ZNF469: variants seen among roughly 807,000 people sequenced by gnomAD.
The protein encoded by ZNF469 is zinc finger protein 469.
ZNF469 carries 1 observed loss-of-function variant against 1.0 expected under a neutral mutation model. That is an observed-to-expected ratio of 1.00 (90% CI 0.35 to 4.73). The LOEUF (loss-of-function observed/expected upper bound fraction) is 4.73, where lower values mean the gene tolerates loss of function less well. ZNF469 is among the 30% of genes most tolerant of loss of function. The probability of loss-of-function intolerance (pLI) is 0.16; values close to 1 mark genes in which losing one functional copy is unlikely to be tolerated. For missense variants in ZNF469, 6,100 were observed against 5,356.3 expected (o/e 1.14, Z -4.33); for synonymous variants, 2,703 against 2,363.4 (o/e 1.14, Z -4.17).
the ZNF469 span, among the ~76,000 whole-genome samples, chr16:88,211,295 A>G: frequency 6.6e-6 from 1 of 152,236 alleles, no homozygotes; most frequent in Non-Finnish European, 1.5e-5. Context: ...CAGAATCACT[A>G]GAAGACAGAG....
At chr16:88,320,617 C>T in the ZNF469 span, among the ~76,000 whole-genome samples, 1 of 152,178 alleles carries the variant, frequency 6.6e-6, no homozygotes, top group Non-Finnish European at 1.5e-5. Flanking sequence ...CTCCTGACCT[C>T]AAGTGATCTG....
At chr16:88,236,669 C>A in the ZNF469 span, among the ~76,000 whole-genome samples, 1 of 152,196 alleles carries the variant, frequency 6.6e-6, no homozygotes, top group Non-Finnish European at 1.5e-5. Flanking sequence ...GAGTTCAAGA[C>A]CAGCCTGGCC....
chr16:88,271,348 T>C, the ZNF469 span, among the ~76,000 whole-genome samples: 3,355 of 128,016 alleles, frequency 0.026, 433 homozygotes, highest in African/African-American at 0.08. Flanking sequence ...GGGGCCGGGG[T>C]CAGAGGCGGC....
chr16:88,392,219 T>C (rs1904510642), intron 1 of ZNF469, among the ~76,000 whole-genome samples: 5 of 152,284 alleles, frequency 3.3e-5, no homozygotes, highest in Admixed American at 3.3e-4. Flanking sequence ...GCGTGCGCTC[T>C]GCGCTTGTAC....
At chr16:88,215,383 A>ATTTT in the ZNF469 span, among the ~76,000 whole-genome samples, 8,689 of 93,436 alleles carry the variant, frequency 0.093, 655 homozygotes, top group Middle Eastern at 0.13. Flanking sequence ...TTGCCTTTTA[A>ATTTT]TTTTTTTTTT....
rs1163037429 is a variant in ZNF469, at chr16:88,424,517, T to C, written c.-191-290T>C. Among the ~76,000 whole-genome samples the C allele has an allele frequency of 2.0e-5, 3 of 152,164 alleles. No individual in the cohort carries two copies. Among genetic ancestry groups the C allele is most frequent in the Non-Finnish European group, 4.4e-5 (3 of 68,016 alleles). On this transcript the variant is annotated intron_variant, in intron 1 of 2. Coordinates refer to ENST00000565624, the MANE Select transcript of ZNF469 (RefSeq NM_001367624.2). This position sits in a 1 kb window ranked among gnomAD's most constrained non-coding sequence, Gnocchi z 4.3. ...CGGAGCTGCATGTACACACAATCTA[T>C]GCGTACATAAAGACCCAACAAAAAG... is the stretch of plus-strand genomic sequence containing the variant.
intron 1 of ZNF469, among the ~76,000 whole-genome samples, chr16:88,393,476 G>T (rs1904546205): frequency 6.6e-6 from 1 of 152,222 alleles, no homozygotes; most frequent in South Asian, 2.1e-4. Context: ...GGGCACCCAG[G>T]GGGGCCTGCC....
At chr16:88,144,606 T>G in the ZNF469 span, among the ~76,000 whole-genome samples, 3 of 152,198 alleles carry the variant, frequency 2.0e-5, no homozygotes, top group Non-Finnish European at 4.4e-5. Context: ...TTAGGCTAAT[T>G]TTTGGCCTTT....
chr16:88,208,705 A>T, the ZNF469 span, among the ~76,000 whole-genome samples: 1 of 149,920 alleles, frequency 6.7e-6, no homozygotes, highest in Non-Finnish European at 1.5e-5. Flanking sequence ...CACAGATAAG[A>T]CAAGATAGGA....
chr16:88,380,455 A>ATGCACTCACACATACG (rs2092518703), upstream of ZNF469, among the ~76,000 whole-genome samples: 2 of 132,086 alleles, frequency 1.5e-5, no homozygotes, highest in Non-Finnish European at 3.0e-5. Context: ...ACACACAGAC[A>ATGCACTCACACATACG]TGCACACACA....
chr16:88,135,437 G>A, the ZNF469 span, among the ~76,000 whole-genome samples: 1 of 152,256 alleles, frequency 6.6e-6, no homozygotes, highest in African/African-American at 2.4e-5. Flanking sequence ...GGACGAGGTT[G>A]GCCAGGGTCG....
chr16:88,132,415 C>CGA, the ZNF469 span, among the ~76,000 whole-genome samples: 6 of 152,220 alleles, frequency 3.9e-5, no homozygotes, highest in African/African-American at 1.4e-4. Flanking sequence ...ACCCAGAGCG[C>CGA]CGCGTAGCCG....
upstream of ZNF469, among the ~76,000 whole-genome samples, chr16:88,380,312 C>T (rs1340603264): frequency 2.0e-4 from 28 of 139,144 alleles, 1 homozygote; most frequent in African/African-American, 7.7e-4. Context: ...AAAACACAGA[C>T]ATGCACTCAC....
chr16:88,414,805 C>T (rs770297281), intron 1 of ZNF469, among the ~76,000 whole-genome samples: 6 of 152,232 alleles, frequency 3.9e-5, no homozygotes, highest in Non-Finnish European at 7.3e-5. Flanking sequence ...CAGAGGTCCA[C>T]GCAGGACAGC....
At position 88,438,784 on chromosome 16, in the gene ZNF469, AGCCGGAGCCCT is replaced by A. The variant is rs753233736; in HGVS notation, c.11317_11327del (p.Arg3773ThrfsTer22). The stretch of plus-strand genomic sequence containing the variant: ...CACCCCAGCCAAGCCCAGCTTCCCC[AGCCGGAGCCCT>A]GCACCAGAGAGGCTCCCCGCTCGAG... On this transcript the variant is annotated frameshift_variant, in exon 3 of 3. Coordinates refer to ENST00000565624, the MANE Select transcript of ZNF469 (RefSeq NM_001367624.2). LOFTEE classifies it low-confidence loss of function (END_TRUNC). 5.2e-6 allele frequency: 8 copies of A among 1,550,212 alleles called. No individual in the cohort carries two copies. Among genetic ancestry groups the A allele is most frequent in the Non-Finnish European group, 7.0e-6 (8 of 1,146,922 alleles).
chr16:88,190,798 A>T, the ZNF469 span, among the ~76,000 whole-genome samples: 1,599 of 152,260 alleles, frequency 0.011, 14 homozygotes, highest in Non-Finnish European at 0.018. Context: ...TTTCCCACTG[A>T]CTTCTATGGA....
the ZNF469 span, among the ~76,000 whole-genome samples, chr16:88,106,443 CA>C: frequency 2.6e-5 from 4 of 151,706 alleles, no homozygotes; most frequent in Non-Finnish European, 4.4e-5. Context: ...CTTTTGGTGT[CA>C]CCTTATTTAT....
At chr16:88,425,772 G>A (rs1419480169) in intron 2 of ZNF469, among the ~76,000 whole-genome samples, 3 of 152,232 alleles carry the variant, frequency 2.0e-5, no homozygotes, top group Non-Finnish European at 2.9e-5. Context: ...AGAGGGAAAG[G>A]GGCCCTCCTC....
the ZNF469 span, among the ~76,000 whole-genome samples, chr16:88,337,571 T>A: frequency 6.6e-6 from 1 of 152,204 alleles, no homozygotes; most frequent in African/African-American, 2.4e-5. Context: ...GGTCCCAGCG[T>A]CACTCTCTGA....
Sources: allele counts gnomAD v4.1 joint callset (sites outside exome capture counted in the v4.1 genomes callset), GRCh38; gene constraint gnomAD v4.1.1; non-coding constraint Gnocchi (gnomAD v3.1); transcripts MANE v1.5; gene names NCBI Gene and HGNC (gene_info 2026-07-23, HGNC 2026-07-21).